The following PDSS2 variants were observed in gnomAD, a reference collection of about 807,000 sequenced individuals.
PDSS2 encodes decaprenyl diphosphate synthase subunit 2, also known as all trans-polyprenyl-diphosphate synthase PDSS2.
PDSS2 carries 31 observed loss-of-function variants against 44.5 expected under a neutral mutation model. The ratio of observed to expected loss-of-function variants is 0.70; its 90% CI spans 0.52 to 0.94. PDSS2 has a LOEUF of 0.94. Ranked by LOEUF, PDSS2 falls within the 40% of genes least tolerant of loss-of-function variation. The probability of loss-of-function intolerance (pLI) is 0.00; values close to 1 mark genes in which losing one functional copy is unlikely to be tolerated. For missense variants in PDSS2, 452 were observed against 482.2 expected, an observed-to-expected ratio of 0.94 and a Z score of 0.59; for synonymous variants, 157 against 180.3, an observed-to-expected ratio of 0.87 and a Z score of 1.03.
chr6:107,240,638 T>C (rs1213258057), intron 4 of PDSS2, among the ~76,000 whole-genome samples: 2 of 151,678 alleles, frequency 1.3e-5, no homozygotes, highest in Non-Finnish European at 2.9e-5. Flanking sequence ...CCTCAGGTGA[T>C]CAGCCTGCCT....
chr6:107,245,803 A>T (rs576373535), intron 3 of PDSS2, among the ~76,000 whole-genome samples, 184 bp from the exon 4 acceptor site: 16 of 152,298 alleles, frequency 1.1e-4, no homozygotes, highest in Admixed American at 3.9e-4. Context: ...TGTGATCCAA[A>T]TTTTTTCAGT....
chr6:107,438,265 A>G (rs1283798067), intron 1 of PDSS2, among the ~76,000 whole-genome samples: 4 of 151,990 alleles, frequency 2.6e-5, no homozygotes, highest in Admixed American at 1.3e-4. Context: ...CTGGAGTGCA[A>G]TGGCATGATC....
chr6:107,165,687 T>G lies in PDSS2; in HGVS notation c.1042-10910A>C, dbSNP rs1292013264. 7.9e-5 allele frequency among the ~76,000 whole-genome samples: 12 copies of G among 152,098 alleles called. No individual in the cohort carries two copies. The East Asian group carries it at 2.3e-3, about 29-fold the overall frequency. On this transcript the variant is annotated intron_variant, in intron 7 of 7. Transcript: ENST00000369037. ...CCATATGAACTTTAAAGTAGTTTTTTCCAATTCTGTGAAGAAAGTCATTGG... is the reference window on the plus strand; with the variant it reads ...CCATATGAACTTTAAAGTAGTTTTTGCCAATTCTGTGAAGAAAGTCATTGG...
At chr6:107,195,477 G>A (rs1176408678) in intron 6 of PDSS2, among the ~76,000 whole-genome samples, 38 of 91,954 alleles carry the variant, frequency 4.1e-4, no homozygotes, top group Admixed American at 1.1e-3. Flanking sequence ...GTGAGATCCT[G>A]TCTCAAAAAA....
chr6:107,420,561 T>A (rs1040140426), intron 1 of PDSS2, among the ~76,000 whole-genome samples: 5 of 152,096 alleles, frequency 3.3e-5, no homozygotes, highest in Non-Finnish European at 5.9e-5. Flanking sequence ...GGTACAAAAG[T>A]AGTTCAATGG....
chr6:107,253,794 G>A (rs1279593833), intron 3 of PDSS2, among the ~76,000 whole-genome samples: 1 of 152,066 alleles, frequency 6.6e-6, no homozygotes, highest in Non-Finnish European at 1.5e-5. Flanking sequence ...GTCATTTATT[G>A]ATCACTGACT....
chr6:107,248,978 C>A (rs534987900), intron 3 of PDSS2, among the ~76,000 whole-genome samples: 4 of 152,282 alleles, frequency 2.6e-5, no homozygotes, highest in African/African-American at 9.6e-5. Context: ...TGGTAGAGCA[C>A]CCCATCAACT....
At chr6:107,163,560 G>T (rs917166858) in intron 7 of PDSS2, among the ~76,000 whole-genome samples, 1 of 151,600 alleles carries the variant, frequency 6.6e-6, no homozygotes, top group East Asian at 1.9e-4. Context: ...CTGCAAACTA[G>T]AATGGGCAAT....
At chr6:107,267,411 A>G (rs1365497616) in intron 3 of PDSS2, among the ~76,000 whole-genome samples, 1 of 152,166 alleles carries the variant, frequency 6.6e-6, no homozygotes, top group East Asian at 1.9e-4. Context: ...AAAAGGAGAG[A>G]TGGATGATAC....
At chr6:107,227,183 A>G (rs958414935) in intron 4 of PDSS2, among the ~76,000 whole-genome samples, 2 of 148,980 alleles carry the variant, frequency 1.3e-5, no homozygotes, top group Non-Finnish European at 3.0e-5. Flanking sequence ...GGGTTTTACC[A>G]TGTTGGCCAG....
chr6:107,328,958 G>C (rs369796741), intron 2 of PDSS2, among the ~76,000 whole-genome samples: 1 of 152,194 alleles, frequency 6.6e-6, no homozygotes. Context: ...GTCTGGCTCA[G>C]CCAATTTTTA....
At chr6:107,155,082 A>C (rs1554245316) in intron 7 of PDSS2, among the ~76,000 whole-genome samples, 2 of 151,888 alleles carry the variant, frequency 1.3e-5, no homozygotes, top group African/African-American at 4.8e-5. Flanking sequence ...GGATGGCAGT[A>C]AGAAGGCGGA....
intron 1 of PDSS2, among the ~76,000 whole-genome samples, chr6:107,405,846 CAA>C (rs1301868631): frequency 2.1e-4 from 12 of 56,784 alleles, no homozygotes; most frequent in African/African-American, 2.3e-4. Flanking sequence ...GACTCCGTCT[CAA>C]AAAAAAAAAA....
rs922996254 is a variant in PDSS2, at chr6:107,378,987, C to T, written c.297-44655G>A. Among the ~76,000 whole-genome samples, 4 of 152,212 alleles carry T rather than the reference C, an allele frequency of 2.6e-5. No homozygotes were observed. In the South Asian group the frequency reaches 6.2e-4, roughly 24 times the overall value. ...GGTAGTGTTTATCAAGTTTCTTCACCGTAAAGTTACTCCCCAACCATCCAC... is the reference window on the plus strand; with the variant it reads ...GGTAGTGTTTATCAAGTTTCTTCACTGTAAAGTTACTCCCCAACCATCCAC... On this transcript the variant is annotated intron_variant, in intron 1 of 7. Transcript: ENST00000369037.
At chr6:107,309,477 A>G (rs1562452360) in intron 2 of PDSS2, among the ~76,000 whole-genome samples, 1 of 152,208 alleles carries the variant, frequency 6.6e-6, no homozygotes, top group Non-Finnish European at 1.5e-5. Context: ...CTCTTTAAGT[A>G]ATAATTTAGA....
intron 6 of PDSS2, among the ~76,000 whole-genome samples, chr6:107,209,553 G>A (rs1023494368): frequency 1.3e-5 from 2 of 149,056 alleles, no homozygotes; most frequent in Non-Finnish European, 3.0e-5. Flanking sequence ...TACTCACTTA[G>A]GCTCTAAGCT....
At chr6:107,301,380 T>G (rs560481303) in intron 2 of PDSS2, among the ~76,000 whole-genome samples, 2 of 152,324 alleles carry the variant, frequency 1.3e-5, no homozygotes, top group Admixed American at 6.5e-5. Flanking sequence ...CAAAGTAACT[T>G]GCTTGAAAGT....
At chr6:107,172,418 T>TG (rs1295742466) in intron 7 of PDSS2, among the ~76,000 whole-genome samples, 2 of 151,988 alleles carry the variant, frequency 1.3e-5, no homozygotes, top group Non-Finnish European at 2.9e-5. Context: ...AGGCCAGGAA[T>TG]GGTGGCTCAC....
intron 2 of PDSS2, among the ~76,000 whole-genome samples, chr6:107,310,216 C>T (rs1279114125): frequency 7.0e-6 from 1 of 142,276 alleles, no homozygotes; most frequent in African/African-American, 2.6e-5. Context: ...ACCTGGGAGG[C>T]GGAGCTTACA....
Sources: gnomAD v4.1 joint callset for allele counts (sites outside exome capture counted in the v4.1 genomes callset) on GRCh38, gnomAD v4.1.1 for gene constraint, MANE v1.5 for transcripts, NCBI Gene and HGNC (gene_info 2026-07-23, HGNC 2026-07-21) for gene names.